Variants in PLD5 observed in about 807,000 individuals in gnomAD.
PLD5 encodes the protein inactive phospholipase D5.
PLD5 carries 36 observed loss-of-function variants against 61.1 expected under a neutral mutation model. The ratio of observed to expected loss-of-function variants is 0.59; its 90% CI spans 0.45 to 0.78. PLD5 has a LOEUF of 0.78. PLD5 is among the 30% of genes least tolerant of loss of function. PLD5 has a pLI of 0.00. For missense variants in PLD5, 515 were observed against 644.4 expected, an observed-to-expected ratio of 0.80 and a Z score of 2.17; for synonymous variants, 243 against 242.8, an observed-to-expected ratio of 1.00 and a Z score of -0.01.
At chr1:242,100,417 A>AAAATTTC (rs1660592927) in intron 9 of PLD5, among the ~76,000 whole-genome samples, 1 of 152,212 alleles carries the variant, frequency 6.6e-6, no homozygotes, top group Non-Finnish European at 1.5e-5. Flanking sequence ...AATGGACCAG[A>AAAATTTC]AAATTTCTGG....
At chr1:242,227,395 C>T (rs1384693464) in intron 4 of PLD5, among the ~76,000 whole-genome samples, 2 of 152,020 alleles carry the variant, frequency 1.3e-5, no homozygotes, top group Non-Finnish European at 2.9e-5. Flanking sequence ...CAGAGTGTCT[C>T]GCTCTGTCAC....
At chr1:242,429,017 G>A (rs369683588) in intron 1 of PLD5, among the ~76,000 whole-genome samples, 8 of 152,320 alleles carry the variant, frequency 5.3e-5, no homozygotes, top group East Asian at 3.9e-4. Context: ...GGCCCTGTCA[G>A]GCTGGATGAC....
At chr1:242,503,845 T>A (rs756295543) in intron 1 of PLD5, among the ~76,000 whole-genome samples, 2 of 152,120 alleles carry the variant, frequency 1.3e-5, no homozygotes, top group Non-Finnish European at 2.9e-5. Context: ...TGAAACAGAC[T>A]CTAGAGCCTG....
intron 1 of PLD5, among the ~76,000 whole-genome samples, chr1:242,422,321 C>T (rs1434397187): frequency 1.8e-4 from 27 of 152,246 alleles, no homozygotes; most frequent in Admixed American, 9.8e-4. Context: ...AGCTGCCTCC[C>T]GCACCAGGGT....
chr1:242,224,558 T>C (rs1019035865), intron 4 of PLD5, among the ~76,000 whole-genome samples: 1 of 152,116 alleles, frequency 6.6e-6, no homozygotes, highest in East Asian at 1.9e-4. Flanking sequence ...CGCTCGTCAA[T>C]ATTCACGGGG....
intron 1 of PLD5, among the ~76,000 whole-genome samples, chr1:242,442,072 C>T (rs1666300652): frequency 6.6e-6 from 1 of 152,170 alleles, no homozygotes; most frequent in African/African-American, 2.4e-5. Context: ...GAGCACCTCT[C>T]ATGGGAGCAC....
intron 8 of PLD5, among the ~76,000 whole-genome samples, chr1:242,106,203 C>T (rs1159054963): frequency 2.6e-5 from 4 of 152,294 alleles, no homozygotes; most frequent in East Asian, 1.9e-4. Flanking sequence ...AGGGAGGTAA[C>T]ATTAACCTGA....
At chr1:242,358,740 A>G (rs2919024) in intron 1 of PLD5, among the ~76,000 whole-genome samples, 3,230 of 152,290 alleles carry the variant, frequency 0.021, 50 homozygotes, top group East Asian at 0.033. Flanking sequence ...CAAACGCTAT[A>G]CTCAGTATAT....
intron 5 of PLD5, among the ~76,000 whole-genome samples, chr1:242,168,846 G>GTTTTTTTTTTTTTTTTTT (rs34280777): frequency 0.014 from 1,593 of 111,128 alleles, 110 homozygotes; most frequent in South Asian, 0.019. Context: ...AATTAATGAA[G>GTTTTTTTTTTTTTTTTTT]TTTTTTTTTT....
intron 9 of PLD5, among the ~76,000 whole-genome samples, chr1:242,097,843 T>A (rs1452652830): frequency 6.6e-6 from 1 of 152,200 alleles, no homozygotes; most frequent in Non-Finnish European, 1.5e-5. Context: ...CTGAATGGTA[T>A]TGCCTAGGTT....
At chr1:242,291,499 G>A (rs1255254303) in intron 2 of PLD5, among the ~76,000 whole-genome samples, 7 of 151,962 alleles carry the variant, frequency 4.6e-5, no homozygotes, top group African/African-American at 1.7e-4. Context: ...GAGGTGGGGA[G>A]CTGGGATCCA....
At chr1:242,461,845 C>T (rs951635335) in intron 1 of PLD5, among the ~76,000 whole-genome samples, 7 of 152,118 alleles carry the variant, frequency 4.6e-5, no homozygotes, top group Non-Finnish European at 7.4e-5. Flanking sequence ...TGATTAGAGA[C>T]GCTAAGCATT....
At chr1:242,500,636 G>C (rs1443176574) in intron 1 of PLD5, among the ~76,000 whole-genome samples, 1 of 152,170 alleles carries the variant, frequency 6.6e-6, no homozygotes, top group African/African-American at 2.4e-5. Flanking sequence ...TTGATGTGTG[G>C]GTGGGACTTG....
chr1:242,311,440 G>A (rs559358962), intron 2 of PLD5, among the ~76,000 whole-genome samples: 3 of 152,336 alleles, frequency 2.0e-5, no homozygotes, highest in Admixed American at 2.0e-4. Context: ...CTTCTGACCA[G>A]TTCCCAGGTG....
At chr1:242,113,314 C>T (rs577053766) in intron 7 of PLD5, among the ~76,000 whole-genome samples, 17 of 152,072 alleles carry the variant, frequency 1.1e-4, no homozygotes, top group African/African-American at 2.9e-4. Flanking sequence ...AGGATGGTCT[C>T]GATCTCCTGA....
intron 3 of PLD5, among the ~76,000 whole-genome samples, chr1:242,277,717 T>G (rs1674492453): frequency 6.6e-6 from 1 of 150,754 alleles, no homozygotes; most frequent in African/African-American, 2.4e-5. Flanking sequence ...GCACAGTGGC[T>G]CACACCTGTA....
chr1:242,524,296 C>A lies in PLD5; in HGVS notation c.-20G>T, dbSNP rs577420321. The A allele has an allele frequency of 4.3e-6, 6 of 1,380,954 alleles. No homozygotes were observed. The East Asian group carries it at 1.8e-4, about 42-fold the overall frequency. 85.5% of individuals were successfully genotyped at this position (1,380,954 alleles called of 1,614,324 possible). ...CTCCATCCTGACATGACCGGGCGGC[C>A]GCCGGCGAGCAGCGGACTCGGGACG... On this transcript the variant is annotated 5_prime_UTR_variant, in exon 1 of 10. Coordinates refer to ENST00000536534, the MANE Select transcript of PLD5 (RefSeq NM_001372062.1).
intron 1 of PLD5, among the ~76,000 whole-genome samples, chr1:242,356,498 T>A (rs1209502847): frequency 6.6e-6 from 1 of 152,180 alleles, no homozygotes; most frequent in South Asian, 2.1e-4. Context: ...TTGGGTCTCA[T>A]TTTTTTAGTT....
chr1:242,452,263 G>A (rs1327944744), intron 1 of PLD5, among the ~76,000 whole-genome samples: 1 of 152,102 alleles, frequency 6.6e-6, no homozygotes, highest in Non-Finnish European at 1.5e-5. Context: ...GGGACTAGGA[G>A]GAAGGATTTC....
Sources: gnomAD v4.1 joint callset for allele counts (sites outside exome capture counted in the v4.1 genomes callset) on GRCh38, gnomAD v4.1.1 for gene constraint, MANE v1.5 for transcripts, NCBI Gene and HGNC (gene_info 2026-07-23, HGNC 2026-07-21) for gene names.